AUTS2: variants seen among roughly 807,000 people sequenced by gnomAD.
The protein encoded by AUTS2 is autism susceptibility gene 2 protein.
A neutral mutation model predicts 112.4 loss-of-function variants in AUTS2; 17 were observed. The observed-to-expected ratio is 0.15, with a 90% CI of 0.10 to 0.23. The LOEUF is 0.23. AUTS2 is among the 10% of genes least tolerant of loss of function. AUTS2 has a pLI of 1.00. For missense variants in AUTS2, 1,510 were observed against 1,701.6 expected, an observed-to-expected ratio of 0.89 and a Z score of 1.98; for synonymous variants, 751 against 702.7, an observed-to-expected ratio of 1.07 and a Z score of -1.09.
At chr7:69,935,580 C>A (rs946091351) in intron 2 of AUTS2, among the ~76,000 whole-genome samples, 3 of 151,892 alleles carry the variant, frequency 2.0e-5, no homozygotes, top group Admixed American at 6.6e-5. Context: ...TAGGACTTAA[C>A]CAACAGGAAG....
At chr7:70,204,526 T>C (rs1461676521) in intron 4 of AUTS2, among the ~76,000 whole-genome samples, 1 of 152,156 alleles carries the variant, frequency 6.6e-6, no homozygotes, top group East Asian at 1.9e-4. Context: ...TTTCTCAGAA[T>C]TAACAGGGTG....
intron 2 of AUTS2, among the ~76,000 whole-genome samples, chr7:69,928,539 G>A (rs879815648): frequency 4.6e-5 from 7 of 152,244 alleles, no homozygotes; most frequent in Non-Finnish European, 1.0e-4. Flanking sequence ...AATGTCTGGA[G>A]GGGCCTGAGG....
At chr7:70,277,396 T>C (rs1214048814) in intron 4 of AUTS2, among the ~76,000 whole-genome samples, 1 of 152,236 alleles carries the variant, frequency 6.6e-6, no homozygotes, top group Non-Finnish European at 1.5e-5. Flanking sequence ...GTGTTAATAC[T>C]GTCACAGAGA....
chr7:70,050,141 A>T (rs1253277202), intron 2 of AUTS2, among the ~76,000 whole-genome samples: 2 of 151,162 alleles, frequency 1.3e-5, no homozygotes, highest in African/African-American at 2.4e-5. Context: ...CAGATCACCT[A>T]AGGTCAGGAG....
Position 69,941,716 on chromosome 7 carries a change from G to C in AUTS2, c.522+42218G>C, listed in dbSNP as rs140968816. Among the ~76,000 whole-genome samples, 149 of 152,028 alleles carry C rather than the reference G, an allele frequency of 9.8e-4. 1 individual carries two copies. Among genetic ancestry groups the C allele is most frequent in the African/African-American group, 3.3e-3 (137 of 41,450 alleles). The stretch of plus-strand genomic sequence containing the variant: ...AGAATGTGTATTTGCTAGTAGTATA[G>C]AGTTAACCTCAGTTTATGGGGGCAG... On this transcript the variant is annotated intron_variant, in intron 2 of 18. Transcript: ENST00000342771.
At chr7:69,968,529 A>G (rs1439418828) in intron 2 of AUTS2, among the ~76,000 whole-genome samples, 1 of 152,220 alleles carries the variant, frequency 6.6e-6, no homozygotes, top group Non-Finnish European at 1.5e-5. Flanking sequence ...AGGATTAGAA[A>G]TGAGGTTTCC....
intron 4 of AUTS2, among the ~76,000 whole-genome samples, chr7:70,272,454 G>A (rs1335146777): frequency 3.3e-5 from 5 of 152,108 alleles, no homozygotes; most frequent in African/African-American, 1.2e-4. Flanking sequence ...ATTCCTGATG[G>A]GGTATGTCAT....
intron 4 of AUTS2, among the ~76,000 whole-genome samples, chr7:70,272,906 T>C: frequency 6.6e-6 from 1 of 152,132 alleles, no homozygotes; most frequent in Admixed American, 6.6e-5. Flanking sequence ...AGAGAATTGC[T>C]TGAGCCTAGG....
intron 6 of AUTS2, among the ~76,000 whole-genome samples, chr7:70,728,651 T>A (rs1035886989): frequency 7.0e-5 from 10 of 142,566 alleles, no homozygotes; most frequent in Admixed American, 5.3e-4. Context: ...GAGGTTGCAG[T>A]GAGCCATGAT....
chr7:70,696,695 AC>A (rs968068256), intron 5 of AUTS2, among the ~76,000 whole-genome samples: 51 of 152,044 alleles, frequency 3.4e-4, no homozygotes, highest in African/African-American at 1.2e-3. Context: ...ACACACACAC[AC>A]TAAGTGCAAA....
At chr7:70,108,783 C>CAAAAAAAAAA (rs528009205) in intron 2 of AUTS2, among the ~76,000 whole-genome samples, 19 of 69,174 alleles carry the variant, frequency 2.7e-4, no homozygotes, top group East Asian at 5.1e-4. Context: ...GCCAACATGG[C>CAAAAAAAAAA]AAAAAAAAAA....
intron 1 of AUTS2, among the ~76,000 whole-genome samples, chr7:69,887,116 T>C (rs566256332): frequency 5.3e-5 from 8 of 152,216 alleles, no homozygotes; most frequent in African/African-American, 1.9e-4. Flanking sequence ...GACATACTTA[T>C]TGATTGTCTT....
chr7:70,401,650 T>A (rs1794331722), intron 4 of AUTS2, among the ~76,000 whole-genome samples: 1 of 151,516 alleles, frequency 6.6e-6, no homozygotes, highest in African/African-American at 2.4e-5. Flanking sequence ...CGGTTAGGAG[T>A]CATATGCAGA....
At chr7:70,504,967 T>C (rs1798906661) in intron 5 of AUTS2, among the ~76,000 whole-genome samples, 2 of 152,314 alleles carry the variant, frequency 1.3e-5, no homozygotes, top group South Asian at 4.1e-4. Context: ...AAAAGTATGA[T>C]TAGTTGTAGT....
Position 70,763,034 on chromosome 7 carries a change from G to T in AUTS2, c.907G>T (p.Ala303Ser), listed in dbSNP as rs2293507. 0.049 allele frequency: 78,634 copies of T among 1,613,978 alleles called. 2,546 individuals are homozygous for T. The highest frequency in any genetic ancestry group is 0.15 in the African/African-American group (11,171 of 74,928). The change falls in exon 7 of 19, where the codon GCA becomes TCA. Residue 303 changes from alanine to serine, a missense_variant. This residue lies in a region of AUTS2 where 535 missense variants were observed against 594.3 expected (regional missense o/e 0.90). Coordinates refer to ENST00000342771, the MANE Select transcript of AUTS2 (RefSeq NM_015570.4). ...GCTTAAAGACCCCTGCCCTCAGGTC[G>T]CACAGCCAATACCCCAGCCGCAGAC... ...VVLKDPCPQV[A>S]QPIPQPQTEP...
chr7:70,458,697 T>C (rs1796844907), intron 5 of AUTS2, among the ~76,000 whole-genome samples: 1 of 152,172 alleles, frequency 6.6e-6, no homozygotes, highest in African/African-American at 2.4e-5. Flanking sequence ...GGGAATTTTT[T>C]CAGGAATTTC....
chr7:69,716,880 A>G (rs1798635440), intron 1 of AUTS2, among the ~76,000 whole-genome samples: 1 of 152,302 alleles, frequency 6.6e-6, no homozygotes, highest in East Asian at 1.9e-4. Flanking sequence ...CAAAGGATAC[A>G]GATATGAACA....
At chr7:69,809,466 A>G (rs1201110367) in intron 1 of AUTS2, among the ~76,000 whole-genome samples, 1 of 152,210 alleles carries the variant, frequency 6.6e-6, no homozygotes, top group Non-Finnish European at 1.5e-5. Flanking sequence ...TTGGTTGCTT[A>G]AGAACGGAGG....
intron 4 of AUTS2, among the ~76,000 whole-genome samples, chr7:70,400,991 G>A (rs1490786358): frequency 6.6e-6 from 1 of 152,172 alleles, no homozygotes; most frequent in Non-Finnish European, 1.5e-5. Context: ...AGACCTGCTT[G>A]CAACAACAAT....
Sources: gnomAD v4.1 joint callset for allele counts (sites outside exome capture counted in the v4.1 genomes callset) on GRCh38, gnomAD v4.1.1 for gene constraint, gnomAD v4.1.1 regional missense constraint, MANE v1.5 for transcripts, NCBI Gene and HGNC (gene_info 2026-07-23, HGNC 2026-07-21) for gene names.